The following CNTNAP4 variants were observed in gnomAD, a reference collection of about 807,000 sequenced individuals.
CNTNAP4 encodes contactin-associated protein-like 4.
In CNTNAP4, 98 loss-of-function variants were observed where a neutral mutation model predicts 148.4. That is an observed-to-expected ratio of 0.66 (90% CI 0.56 to 0.78). The LOEUF (loss-of-function observed/expected upper bound fraction) is 0.78. Ranked by LOEUF, CNTNAP4 falls within the 30% of genes least tolerant of loss-of-function variation. The pLI, the probability that CNTNAP4 is intolerant of heterozygous loss-of-function variation, is 0.00. For synonymous variants in CNTNAP4, 730 were observed against 565.1 expected, an observed-to-expected ratio of 1.29 and a Z score of -4.14; for missense variants, 1,935 against 1,565.6, an observed-to-expected ratio of 1.24 and a Z score of -3.98.
chr16:76,507,507 T>A (rs57541769), intron 15 of CNTNAP4, among the ~76,000 whole-genome samples: 64,046 of 95,804 alleles, frequency 0.67, 27,385 homozygotes, highest in East Asian at 0.88. Context: ...TATTTCACTT[T>A]ACATAATGAC....
chr16:76,388,959 A>G (rs1038358159), intron 3 of CNTNAP4, among the ~76,000 whole-genome samples: 8 of 152,238 alleles, frequency 5.3e-5, no homozygotes, highest in Non-Finnish European at 1.2e-4. Context: ...AGAGAAAAGG[A>G]AAGTAATTCT....
intron 13 of CNTNAP4, among the ~76,000 whole-genome samples, 182 bp from the exon 14 acceptor site, chr16:76,494,728 A>T (rs1052618445): frequency 1.1e-4 from 16 of 152,144 alleles, no homozygotes; most frequent in African/African-American, 3.6e-4. Flanking sequence ...ACTTTTTTAT[A>T]AAAAAAGTGT....
intron 19 of CNTNAP4, among the ~76,000 whole-genome samples, chr16:76,539,143 C>T (rs924572683): frequency 3.9e-5 from 6 of 151,916 alleles, no homozygotes; most frequent in Non-Finnish European, 8.8e-5. Context: ...GAAAGATATC[C>T]TGTGAAATAA....
At chr16:76,329,902 G>A (rs1441526123) in intron 2 of CNTNAP4, among the ~76,000 whole-genome samples, 1 of 152,116 alleles carries the variant, frequency 6.6e-6, no homozygotes, top group South Asian at 2.1e-4. Context: ...GAACGTTTAT[G>A]TGGGTTTTTC....
intron 8 of CNTNAP4, among the ~76,000 whole-genome samples, chr16:76,453,858 A>G (rs921941978): frequency 6.6e-6 from 1 of 152,150 alleles, no homozygotes; most frequent in African/African-American, 2.4e-5. Context: ...GTGACTTTTT[A>G]TTTAGTGTTC....
At chr16:76,510,971 A>G (rs2083001788) in intron 15 of CNTNAP4, among the ~76,000 whole-genome samples, 1 of 152,112 alleles carries the variant, frequency 6.6e-6, no homozygotes, top group African/African-American at 2.4e-5. Flanking sequence ...ATTATCCTTA[A>G]AGGTCACTAA....
At chr16:76,462,747 G>A (rs1281040598) in intron 9 of CNTNAP4, among the ~76,000 whole-genome samples, 2 of 152,056 alleles carry the variant, frequency 1.3e-5, no homozygotes, top group African/African-American at 4.8e-5. Flanking sequence ...TTTTATCACT[G>A]GCAAATTAAA....
chr16:76,357,108 C>T (rs567704438), intron 3 of CNTNAP4, among the ~76,000 whole-genome samples: 5 of 151,146 alleles, frequency 3.3e-5, no homozygotes, highest in South Asian at 2.1e-4. Context: ...CTGGGTATTA[C>T]GTTCAACTAA....
At chr16:76,415,070 G>T (rs1168235948) in intron 3 of CNTNAP4, among the ~76,000 whole-genome samples, 1 of 150,936 alleles carries the variant, frequency 6.6e-6, no homozygotes, top group African/African-American at 2.4e-5. Context: ...AATTACAATA[G>T]TCTGAATTTC....
intron 15 of CNTNAP4, among the ~76,000 whole-genome samples, chr16:76,506,826 C>T (rs893007545): frequency 2.1e-5 from 2 of 95,336 alleles, no homozygotes; most frequent in African/African-American, 5.2e-5. Flanking sequence ...ATGGACCACT[C>T]CATGTAGTGC....
intron 3 of CNTNAP4, among the ~76,000 whole-genome samples, chr16:76,378,327 A>C (rs1156243998): frequency 6.6e-6 from 1 of 152,208 alleles, no homozygotes; most frequent in Non-Finnish European, 1.5e-5. Flanking sequence ...TGGCAGAAAA[A>C]AGATCGTTGG....
At chr16:76,468,522 C>G (rs932416155) in intron 10 of CNTNAP4, among the ~76,000 whole-genome samples, 5 of 152,042 alleles carry the variant, frequency 3.3e-5, no homozygotes, top group African/African-American at 7.2e-5. Flanking sequence ...AGGTCTGGCT[C>G]TGTCGCCCAA....
chr16:76,400,162 G>A (rs2078357927), intron 3 of CNTNAP4, among the ~76,000 whole-genome samples: 1 of 152,116 alleles, frequency 6.6e-6, no homozygotes, highest in African/African-American at 2.4e-5. Flanking sequence ...TATAGATGAA[G>A]GAGCCAGTCA....
At chr16:76,314,730 G>A (rs1961519952) in intron 1 of CNTNAP4, among the ~76,000 whole-genome samples, 1 of 152,078 alleles carries the variant, frequency 6.6e-6, no homozygotes, top group Admixed American at 6.6e-5. Context: ...AGCCCAGCAA[G>A]TCTCAGCCTC....
At chr16:76,486,394 C>T (rs1010129294) in intron 12 of CNTNAP4, among the ~76,000 whole-genome samples, 2 of 152,166 alleles carry the variant, frequency 1.3e-5, no homozygotes, top group Non-Finnish European at 2.9e-5. Context: ...TGTATCTACA[C>T]ATTAGGAACA....
rs186060836 is a variant in CNTNAP4, at chr16:76,296,736, A to G, written c.85+18989A>G. The stretch of plus-strand genomic sequence containing the variant: ...TTTTGGAAATTCCACATCAATTTGA[A>G]TCCAGTATTTTTGCTGTATCTAAGG... On this transcript the variant is annotated intron_variant, in intron 1 of 23. Coordinates refer to ENST00000611870, the MANE Select transcript of CNTNAP4 (RefSeq NM_033401.5). Among the ~76,000 whole-genome samples the G allele has an allele frequency of 3.8e-3, 572 of 152,258 alleles. 2 individuals carry two copies. The highest frequency in any genetic ancestry group is 5.6e-3 in the Non-Finnish European group (384 of 68,012).
chr16:76,530,791 G>A (rs1054074559), intron 17 of CNTNAP4, among the ~76,000 whole-genome samples: 40 of 152,144 alleles, frequency 2.6e-4, no homozygotes, highest in Admixed American at 1.4e-3. Flanking sequence ...AGAACATTGC[G>A]TGACAAACTT....
chr16:76,518,529 A>T (rs1055258949), intron 15 of CNTNAP4, among the ~76,000 whole-genome samples: 4 of 152,006 alleles, frequency 2.6e-5, no homozygotes, highest in Admixed American at 6.5e-5. Context: ...TGTTATTTAA[A>T]TTTTTTTCTA....
chr16:76,465,850 T>G (rs1210033348), intron 9 of CNTNAP4, among the ~76,000 whole-genome samples: 1 of 152,230 alleles, frequency 6.6e-6, no homozygotes, highest in African/African-American at 2.4e-5. Flanking sequence ...ATAAAATGTT[T>G]CGGTGTGTCT....
Sources: allele counts gnomAD v4.1 joint callset (sites outside exome capture counted in the v4.1 genomes callset), GRCh38; gene constraint gnomAD v4.1.1; transcripts MANE v1.5; gene names NCBI Gene and HGNC (gene_info 2026-07-23, HGNC 2026-07-21).